The following EXOC6B variants were observed in gnomAD, a reference collection of about 807,000 sequenced individuals.
EXOC6B encodes the protein SEC15 homolog B.
In EXOC6B, 54 loss-of-function variants were observed where a neutral mutation model predicts 113.5. That is an observed-to-expected ratio of 0.48 (90% CI 0.38 to 0.60). EXOC6B has a LOEUF of 0.60. Among genes scored for constraint, EXOC6B ranks in the 20% least tolerant of loss-of-function variants. EXOC6B has a pLI of 0.00. For synonymous variants in EXOC6B, 357 were observed against 339.0 expected, an observed-to-expected ratio of 1.05 and a Z score of -0.58; for missense variants, 797 against 977.5, an observed-to-expected ratio of 0.82 and a Z score of 2.46.
intron 6 of EXOC6B, among the ~76,000 whole-genome samples, chr2:72,637,438 AAAAC>A (rs1187904024): frequency 1.3e-5 from 2 of 152,162 alleles, no homozygotes; most frequent in Non-Finnish European, 2.9e-5. Context: ...TTACAAGAAA[AAAAC>A]AAACAACTCC....
At chr2:72,400,723 A>G (rs1019158909) in intron 18 of EXOC6B, among the ~76,000 whole-genome samples, 5 of 152,070 alleles carry the variant, frequency 3.3e-5, no homozygotes, top group Non-Finnish European at 7.4e-5. Context: ...AGAAAAATAA[A>G]TTAAAACCAC....
chr2:72,637,326 T>A (rs1672914495), intron 6 of EXOC6B, among the ~76,000 whole-genome samples: 1 of 152,052 alleles, frequency 6.6e-6, no homozygotes, highest in South Asian at 2.1e-4. Flanking sequence ...AAAGAAACTA[T>A]CATCAGAGAG....
chr2:72,774,704 C>T lies in EXOC6B; in HGVS notation c.114-33235G>A, dbSNP rs889161850. 5.3e-5 allele frequency among the ~76,000 whole-genome samples: 8 copies of T among 152,266 alleles called. No homozygotes were observed. In the South Asian group the frequency reaches 8.3e-4, roughly 16 times the overall value. ...AAAATATGTAGTATCTTTTTCAACA[C>T]CAATTCTCTGACACTACTGATGTCT... On this transcript the variant is annotated intron_variant, in intron 1 of 21. Transcript: ENST00000272427.
chr2:72,419,659 G>A (rs762279679), intron 18 of EXOC6B, among the ~76,000 whole-genome samples: 2 of 152,122 alleles, frequency 1.3e-5, no homozygotes, highest in East Asian at 3.8e-4. Flanking sequence ...TTTCTGATGC[G>A]ATATGTGCTC....
intron 6 of EXOC6B, among the ~76,000 whole-genome samples, chr2:72,706,439 T>C (rs1489787728): frequency 6.6e-6 from 1 of 152,200 alleles, no homozygotes; most frequent in Non-Finnish European, 1.5e-5. Flanking sequence ...GGTGCAACCA[T>C]AGCTTACTGC....
intron 5 of EXOC6B, among the ~76,000 whole-genome samples, chr2:72,725,950 C>T (rs1422956555): frequency 6.6e-6 from 1 of 152,006 alleles, no homozygotes; most frequent in African/African-American, 2.4e-5. Flanking sequence ...CAGCATTATT[C>T]GTAATAGTTA....
chr2:72,686,895 T>C (rs1677126810), intron 6 of EXOC6B, among the ~76,000 whole-genome samples: 1 of 152,080 alleles, frequency 6.6e-6, no homozygotes, highest in Non-Finnish European at 1.5e-5. Context: ...TCCCAGCACT[T>C]TGGGAGGCCG....
chr2:72,623,815 C>T (rs1211799675), intron 6 of EXOC6B, among the ~76,000 whole-genome samples: 1 of 152,166 alleles, frequency 6.6e-6, no homozygotes, highest in Non-Finnish European at 1.5e-5. Flanking sequence ...AAAAGCAACA[C>T]AACTTTGAAA....
chr2:72,814,751 G>A (rs1686126836), intron 1 of EXOC6B, among the ~76,000 whole-genome samples: 1 of 152,122 alleles, frequency 6.6e-6, no homozygotes, highest in African/African-American at 2.4e-5. Flanking sequence ...CAGCACTTTG[G>A]GAGGCCAAGG....
At chr2:72,238,683 T>C (rs1682116702) in intron 20 of EXOC6B, among the ~76,000 whole-genome samples, 1 of 152,248 alleles carries the variant, frequency 6.6e-6, no homozygotes, top group Non-Finnish European at 1.5e-5. Context: ...CATGTAATTG[T>C]TGGCCATTTG....
intron 16 of EXOC6B, among the ~76,000 whole-genome samples, chr2:72,485,605 A>C (rs1699383517): frequency 6.6e-6 from 1 of 152,200 alleles, no homozygotes. Context: ...ATACTAAAAT[A>C]CATGAAACTC....
At chr2:72,813,304 G>A (rs1686025061) in intron 1 of EXOC6B, among the ~76,000 whole-genome samples, 1 of 152,044 alleles carries the variant, frequency 6.6e-6, no homozygotes, top group African/African-American at 2.4e-5. Context: ...GCCTAGGCTG[G>A]TCTCAAACTC....
At chr2:72,517,965 A>G (rs1221147282) in intron 8 of EXOC6B, among the ~76,000 whole-genome samples, 1 of 152,164 alleles carries the variant, frequency 6.6e-6, no homozygotes, top group Non-Finnish European at 1.5e-5. Flanking sequence ...CTGGCTTCCC[A>G]TTTACAAAAA....
At chr2:72,670,399 T>A (rs1675709378) in intron 6 of EXOC6B, among the ~76,000 whole-genome samples, 3 of 152,298 alleles carry the variant, frequency 2.0e-5, no homozygotes, top group Middle Eastern at 3.4e-3. Flanking sequence ...AAAGGCAGTA[T>A]TAGGTTTGAC....
intron 18 of EXOC6B, among the ~76,000 whole-genome samples, chr2:72,405,346 A>G: frequency 6.6e-6 from 1 of 152,354 alleles, no homozygotes; most frequent in East Asian, 1.9e-4. Flanking sequence ...CAGGAAATAC[A>G]GAGAACGCCA....
intron 1 of EXOC6B, among the ~76,000 whole-genome samples, chr2:72,742,928 A>T (rs140347439): frequency 1.2e-4 from 19 of 152,256 alleles, no homozygotes; most frequent in African/African-American, 3.9e-4. Context: ...CCATCTCAGT[A>T]TTTAACGTAG....
At chr2:72,285,085 C>A (rs1352689853) in intron 20 of EXOC6B, among the ~76,000 whole-genome samples, 2 of 151,992 alleles carry the variant, frequency 1.3e-5, no homozygotes, top group African/African-American at 4.8e-5. Context: ...CCAATATAAA[C>A]CCCAGTAAAT....
chr2:72,360,561 T>C (rs1690249028), intron 19 of EXOC6B, among the ~76,000 whole-genome samples: 1 of 152,064 alleles, frequency 6.6e-6, no homozygotes. Flanking sequence ...TTTAAAGAAA[T>C]TGAGGAATAT....
chr2:72,327,619 CT>C (rs1288895390), intron 20 of EXOC6B, among the ~76,000 whole-genome samples: 1 of 152,062 alleles, frequency 6.6e-6, no homozygotes, highest in Non-Finnish European at 1.5e-5. Context: ...CCAAAGATTT[CT>C]GCTCTGTTTG....
Sources: allele counts gnomAD v4.1 joint callset (sites outside exome capture counted in the v4.1 genomes callset), GRCh38; gene constraint gnomAD v4.1.1; transcripts MANE v1.5; gene names NCBI Gene and HGNC (gene_info 2026-07-23, HGNC 2026-07-21).